DYNC2H1: variants seen among roughly 807,000 people sequenced by gnomAD.
DYNC2H1 encodes cytoplasmic dynein 2 heavy chain 1.
In DYNC2H1, 410 loss-of-function variants were observed where a neutral mutation model predicts 570.0. That is an observed-to-expected ratio of 0.72 (90% confidence interval 0.66 to 0.78). The LOEUF is 0.78. DYNC2H1 is among the 30% of genes least tolerant of loss of function. DYNC2H1 has a pLI of 0.00. For synonymous variants in DYNC2H1, 1,688 were observed against 1,677.6 expected, an observed-to-expected ratio of 1.01 and a Z score of -0.15; for missense variants, 4,865 against 5,046.4, an observed-to-expected ratio of 0.96 and a Z score of 1.09.
intron 88 of DYNC2H1, among the ~76,000 whole-genome samples, chr11:103,470,322 A>C (rs958150551): frequency 6.6e-6 from 1 of 152,158 alleles, no homozygotes; most frequent in South Asian, 2.1e-4. Flanking sequence ...ATAAAAAGCT[A>C]ATTTAATTTG....
At chr11:103,230,729 T>C (rs2135182852) in intron 59 of DYNC2H1, among the ~76,000 whole-genome samples, 1 of 152,310 alleles carries the variant, frequency 6.6e-6, no homozygotes, top group East Asian at 1.9e-4. Flanking sequence ...TGTTAGTTAT[T>C]ACTTTTTAAA....
At chr11:103,444,673 G>A (rs190446336) in intron 85 of DYNC2H1, among the ~76,000 whole-genome samples, 1 of 152,252 alleles carries the variant, frequency 6.6e-6, no homozygotes, top group Admixed American at 6.5e-5. Context: ...TAGTATGTAT[G>A]GTCAGGGAAA....
At chr11:103,441,218 C>CT (rs1944257482) in intron 85 of DYNC2H1, among the ~76,000 whole-genome samples, 1 of 152,042 alleles carries the variant, frequency 6.6e-6, no homozygotes, top group Non-Finnish European at 1.5e-5. Flanking sequence ...GGCCTTTACC[C>CT]TTGCTGCTTC....
At chr11:103,194,486 A>G (rs1342678987) in intron 47 of DYNC2H1, among the ~76,000 whole-genome samples, 2 of 152,178 alleles carry the variant, frequency 1.3e-5, no homozygotes, top group African/African-American at 4.8e-5. Context: ...TTTTTAAGCA[A>G]CTAACAGGCT....
intron 43 of DYNC2H1, among the ~76,000 whole-genome samples, chr11:103,188,229 T>C (rs1467205633): frequency 1.3e-5 from 2 of 152,086 alleles, no homozygotes; most frequent in Non-Finnish European, 2.9e-5. Context: ...TGTACTCAAT[T>C]TATAATATCA....
rs1860173031 is a variant in DYNC2H1, at chr11:103,145,089, C to A, written c.2702+1694C>A. Among the ~76,000 whole-genome samples, 1 of 152,042 alleles carries A rather than the reference C, an allele frequency of 6.6e-6. No homozygotes were observed. Among genetic ancestry groups the A allele is most frequent in the Non-Finnish European group, 1.5e-5 (1 of 68,000 alleles). The stretch of plus-strand genomic sequence containing the variant: ...TAGAGGTGGGGTTTATTATGTTGGC[C>A]AGGCTGGTCTCCAACTCTTGACCTC... On this transcript the variant is annotated intron_variant, in intron 18 of 88. Coordinates refer to ENST00000375735, the MANE Select transcript of DYNC2H1 (RefSeq NM_001377.3). This position sits in a 1 kb window ranked among gnomAD's most constrained non-coding sequence, Gnocchi z 4.2.
At chr11:103,303,490 T>TA (rs1308831436) in intron 76 of DYNC2H1, among the ~76,000 whole-genome samples, 9 of 152,074 alleles carry the variant, frequency 5.9e-5, no homozygotes, top group African/African-American at 2.2e-4. Flanking sequence ...GGACCCAATA[T>TA]AAAATCACAA....
At chr11:103,357,062 G>A (rs755286384) in intron 82 of DYNC2H1, among the ~76,000 whole-genome samples, 2 of 151,374 alleles carry the variant, frequency 1.3e-5, no homozygotes, top group Non-Finnish European at 2.9e-5. Flanking sequence ...TTAATATTTA[G>A]GTATAATATG....
At chr11:103,231,375 AT>A in intron 60 of DYNC2H1, 29 bp downstream of exon 60, 1 of 1,452,344 alleles carries the variant, frequency 6.9e-7, no homozygotes, top group Non-Finnish European at 9.5e-7. Flanking sequence ...TGTATTTTGG[AT>A]AATGCTGAGA....
At chr11:103,191,246 G>T (rs1164594496) in intron 45 of DYNC2H1, among the ~76,000 whole-genome samples, 1 of 151,660 alleles carries the variant, frequency 6.6e-6, no homozygotes, top group Admixed American at 6.6e-5. Flanking sequence ...TGCCATATTG[G>T]CCAGGCTGGT....
intron 70 of DYNC2H1, 116 bp downstream of exon 70, chr11:103,260,093 C>T: frequency 3.6e-6 from 2 of 552,114 alleles, no homozygotes; most frequent in Non-Finnish European, 5.5e-6. Flanking sequence ...AATGGTATTT[C>T]TGGTATTTTT....
intron 70 of DYNC2H1, among the ~76,000 whole-genome samples, chr11:103,269,106 A>G (rs1224469621): frequency 2.0e-5 from 3 of 152,146 alleles, no homozygotes; most frequent in Admixed American, 1.3e-4. Flanking sequence ...TTAGTACTCA[A>G]TTGGGATTTT....
intron 83 of DYNC2H1, among the ~76,000 whole-genome samples, chr11:103,394,869 G>C (rs1291312284): frequency 6.6e-6 from 1 of 151,892 alleles, no homozygotes; most frequent in African/African-American, 2.4e-5. Flanking sequence ...CTGGCTTTTG[G>C]TACAGTAAGG....
In DYNC2H1 at chr11:103,184,964, C is replaced by T. The variant is rs747607266; in HGVS notation, c.6546C>T (p.Cys2182=). Residue 2182 remains cysteine, a synonymous_variant, in exon 41 of 89, where the codon TGC becomes TGT. Coordinates refer to ENST00000375735, the MANE Select transcript of DYNC2H1 (RefSeq NM_001377.3). ...VMNGLSHLHG[C]RDHDEFIINL... is the part of the protein sequence containing the mutation. Reference sequence around the variant, plus strand: ...ATGGTTTGTCACATCTACATGGTTGCAGAGATCATGACGAATTCATTATTA... The same window carrying T: ...ATGGTTTGTCACATCTACATGGTTGTAGAGATCATGACGAATTCATTATTA... 6.2e-7 allele frequency: 1 copy of T among 1,611,020 alleles called. No homozygotes were observed. The highest frequency in any genetic ancestry group is 1.3e-5 in the African/African-American group (1 of 74,726).
At chr11:103,435,921 T>C in intron 84 of DYNC2H1, 22 bp from the exon 85 acceptor site, 1 of 1,609,228 alleles carries the variant, frequency 6.2e-7, no homozygotes, top group South Asian at 1.1e-5. Flanking sequence ...CAAACTTAAT[T>C]TTGACCCTTT....
intron 83 of DYNC2H1, among the ~76,000 whole-genome samples, chr11:103,386,429 C>G (rs1262707826): frequency 6.6e-6 from 1 of 150,806 alleles, no homozygotes; most frequent in African/African-American, 2.5e-5. Flanking sequence ...CAGTTGGGCT[C>G]TCCTCATACT....
intron 52 of DYNC2H1, among the ~76,000 whole-genome samples, chr11:103,207,244 A>T (rs201327192): frequency 0.26 from 1,853 of 7,008 alleles, 41 homozygotes; most frequent in African/African-American, 0.43. Flanking sequence ...TTTTTTTTTA[A>T]AAAAAGATGG....
chr11:103,421,115 T>C (rs2135715618), intron 84 of DYNC2H1, among the ~76,000 whole-genome samples: 1 of 151,892 alleles, frequency 6.6e-6, no homozygotes, highest in Middle Eastern at 3.4e-3. Context: ...CCAACAAAGA[T>C]TAAAAAAAGA....
rs1409721938 is a variant in DYNC2H1, at chr11:103,120,469, A to C, written c.1022A>C (p.His341Pro). 1 of 1,611,550 alleles carries C rather than the reference A, an allele frequency of 6.2e-7. No individual in the cohort carries two copies. Among genetic ancestry groups the C allele is most frequent in the African/African-American group, 1.3e-5 (1 of 74,872 alleles). ...TAGGTCTTGGCTATTAGAACAATTC[A>C]TGAGAAGTTTCTCTATTTTCTACCT... ...LEEVLAIRTIHEKFLYFLPAS... is the reference protein window; with the variant it reads ...LEEVLAIRTIPEKFLYFLPAS... The change falls in exon 7 of 89, where the codon CAT becomes CCT. Residue 341 changes from histidine (H) to proline (P), a missense_variant. Physicochemically the swap from His to Pro is moderately conservative, Grantham distance 77. Transcript: ENST00000375735.
Sources: allele counts gnomAD v4.1 joint callset (sites outside exome capture counted in the v4.1 genomes callset), GRCh38; gene constraint gnomAD v4.1.1; non-coding constraint Gnocchi (gnomAD v3.1); transcripts MANE v1.5; gene names NCBI Gene and HGNC (gene_info 2026-07-23, HGNC 2026-07-21).